The following KDM7A variants were observed in gnomAD, a reference collection of about 807,000 sequenced individuals.
KDM7A encodes lysine demethylase 7A.
In KDM7A, 28 loss-of-function variants were observed where a neutral mutation model predicts 114.8. The observed-to-expected ratio is 0.24, with a 90% confidence interval of 0.18 to 0.33. The LOEUF is 0.33. KDM7A is among the 10% of genes least tolerant of loss of function. The pLI is 1.00. For synonymous variants in KDM7A, 423 were observed against 397.8 expected (o/e 1.06, Z -0.75); for missense variants, 942 against 1,142.5 (o/e 0.82, Z 2.53).
intron 1 of KDM7A, among the ~76,000 whole-genome samples, chr7:140,144,710 T>TACACACACACACAC (rs3030431): frequency 5.5e-5 from 8 of 146,320 alleles, no homozygotes; most frequent in African/African-American, 2.0e-4. Flanking sequence ...GTCCCCACCA[T>TACACACACACACAC]ACACACACAC....
In KDM7A at chr7:140,096,719, C is replaced by A. The variant is rs1818117994; in HGVS notation, c.2210G>T (p.Gly737Val). 1 of 1,614,142 alleles carries A rather than the reference C, an allele frequency of 6.2e-7. No individual in the cohort carries two copies. Among genetic ancestry groups the A allele is most frequent in the Non-Finnish European group, 8.5e-7 (1 of 1,180,016 alleles). Residue 737 changes from glycine (G) to valine (V), a missense_variant, in exon 17 of 20, where the codon GGC becomes GTC. By Grantham distance (109) the Gly-to-Val change is moderately radical. Transcript: ENST00000397560. ...STSTEEEAIQ[G>V]MLSMAGLHYS... ...GTGCAACCCTGCCATAGACAGCATG[C>A]CCTGAATAGCTTCTTCCTCTGTGCT...
At chr7:140,157,536 C>G (rs988214367) in intron 1 of KDM7A, among the ~76,000 whole-genome samples, 2 of 152,132 alleles carry the variant, frequency 1.3e-5, no homozygotes, top group Non-Finnish European at 2.9e-5. Context: ...TGCCTGTAGT[C>G]CCAGCTACTT....
chr7:140,133,757 G>A, intron 2 of KDM7A, 101 bp from the exon 3 acceptor site: 1 of 632,634 alleles, frequency 1.6e-6, no homozygotes, highest in Non-Finnish European at 2.6e-6. Flanking sequence ...ACAATTGTAA[G>A]TACATTAAAA....
At chr7:140,123,838 TTGG>T (rs1818654183) in intron 7 of KDM7A, among the ~76,000 whole-genome samples, 2 of 151,940 alleles carry the variant, frequency 1.3e-5, no homozygotes, top group South Asian at 4.1e-4. Flanking sequence ...TCCCAGTACT[TTGG>T]TGGGCGGATC....
intron 11 of KDM7A, among the ~76,000 whole-genome samples, chr7:140,109,411 A>G (rs1818396709): frequency 6.6e-6 from 1 of 152,166 alleles, no homozygotes; most frequent in Non-Finnish European, 1.5e-5. Context: ...CCCAGTCAGC[A>G]TTTCCTTCTT....
At chr7:140,149,197 T>C (rs1745838678) in intron 1 of KDM7A, among the ~76,000 whole-genome samples, 1 of 152,174 alleles carries the variant, frequency 6.6e-6, no homozygotes, top group African/African-American at 2.4e-5. Context: ...CACTCAGTGG[T>C]ACAAAACATA....
intron 1 of KDM7A, among the ~76,000 whole-genome samples, chr7:140,145,653 G>A (rs1383580891): frequency 6.6e-6 from 1 of 152,074 alleles, no homozygotes; most frequent in Non-Finnish European, 1.5e-5. Flanking sequence ...AAAGAAATAG[G>A]TACTATACTC....
chr7:140,138,283 G>A (rs976558488), intron 2 of KDM7A, among the ~76,000 whole-genome samples: 2 of 151,846 alleles, frequency 1.3e-5, no homozygotes, highest in Admixed American at 6.6e-5. Flanking sequence ...ACTCCAGCAC[G>A]GGTGACAGAG....
chr7:140,175,080 G>A (rs1794686981), intron 1 of KDM7A, among the ~76,000 whole-genome samples: 1 of 152,180 alleles, frequency 6.6e-6, no homozygotes, highest in South Asian at 2.1e-4. Flanking sequence ...ATGGAAACAG[G>A]ATGTGGAAAT....
At chr7:140,143,037 C>T (rs1794302280) in intron 1 of KDM7A, among the ~76,000 whole-genome samples, 1 of 151,658 alleles carries the variant, frequency 6.6e-6, no homozygotes, top group Non-Finnish European at 1.5e-5. Context: ...AAAAATTAGC[C>T]GGGCGTGGTG....
chr7:140,148,821 T>G (rs574586520), intron 1 of KDM7A, among the ~76,000 whole-genome samples: 42 of 152,298 alleles, frequency 2.8e-4, no homozygotes, highest in Non-Finnish European at 5.3e-4. Context: ...CATAAAACTG[T>G]TTTCACAAAA....
chr7:140,127,853 T>A (rs1339518307), intron 4 of KDM7A, among the ~76,000 whole-genome samples: 1 of 152,214 alleles, frequency 6.6e-6, no homozygotes, highest in African/African-American at 2.4e-5. Flanking sequence ...CAAAGCTTTC[T>A]GTATACTAAT....
chr7:140,100,733 TATATATATACA>T (rs1562946141), intron 12 of KDM7A, among the ~76,000 whole-genome samples: 7 of 51,868 alleles, frequency 1.3e-4, no homozygotes, highest in African/African-American at 5.2e-4. Flanking sequence ...TATATATATA[TATATATATACA>T]TATATATTTT....
chr7:140,132,555 T>C (rs975886122), intron 3 of KDM7A, among the ~76,000 whole-genome samples: 2 of 152,086 alleles, frequency 1.3e-5, no homozygotes, highest in Admixed American at 1.3e-4. Context: ...CAATCAAGCA[T>C]GAGCCAATAA....
chr7:140,161,973 TA>T (rs1794524518), intron 1 of KDM7A, among the ~76,000 whole-genome samples: 1 of 152,186 alleles, frequency 6.6e-6, no homozygotes, highest in Admixed American at 6.6e-5. Flanking sequence ...CCAAATTATC[TA>T]CAATGGTATA....
intron 1 of KDM7A, among the ~76,000 whole-genome samples, chr7:140,159,802 A>G (rs1322252223): frequency 6.6e-6 from 1 of 152,180 alleles, no homozygotes; most frequent in East Asian, 1.9e-4. Flanking sequence ...TGCAATCAGC[A>G]TATCACTGGC....
intron 13 of KDM7A, 116 bp from the exon 14 acceptor site, chr7:140,099,149 T>C (rs1455951960): frequency 1.2e-6 from 1 of 834,804 alleles, no homozygotes; most frequent in Non-Finnish European, 1.9e-6. Context: ...TGTCCCCATA[T>C]TTCATTCAAC....
At chr7:140,123,454 TG>T (rs1159899127) in intron 7 of KDM7A, among the ~76,000 whole-genome samples, 4 of 152,188 alleles carry the variant, frequency 2.6e-5, no homozygotes, top group Non-Finnish European at 4.4e-5. Flanking sequence ...AACTGGTGAA[TG>T]GATAAACAAA....
rs932361083 is a variant in KDM7A, at chr7:140,127,069, C to T, written c.702-246G>A. On this transcript the variant is annotated intron_variant, in intron 5 of 19. Coordinates refer to ENST00000397560, the MANE Select transcript of KDM7A (RefSeq NM_030647.2). ...CCATCCTGCCGGGTTCGAGAGATCT[C>T]GTGCCTCAGCCTCTCTGAGTAGCTG... Among the ~76,000 whole-genome samples, 11 of 152,308 alleles carry T rather than the reference C, an allele frequency of 7.2e-5. No individual in the cohort carries two copies. In the South Asian group the frequency reaches 2.3e-3, roughly 32 times the overall value.
Sources: gnomAD v4.1 joint callset for allele counts (sites outside exome capture counted in the v4.1 genomes callset) on GRCh38, gnomAD v4.1.1 for gene constraint, MANE v1.5 for transcripts, NCBI Gene and HGNC (gene_info 2026-07-23, HGNC 2026-07-21) for gene names.